SBK1: variants seen among roughly 807,000 people sequenced by gnomAD.
The protein encoded by SBK1 is serine/threonine-protein kinase SBK1.
In SBK1, 11 loss-of-function variants were observed where a neutral mutation model predicts 24.4. The ratio of observed to expected loss-of-function variants is 0.45; its 90% CI spans 0.28 to 0.75. SBK1 has a LOEUF of 0.75. Among genes scored for constraint, SBK1 ranks in the 30% least tolerant of loss-of-function variants. The pLI, the probability that SBK1 is intolerant of heterozygous loss-of-function variation, is 0.12. For synonymous variants in SBK1, 308 were observed against 284.4 expected (o/e 1.08, Z -0.83); for missense variants, 467 against 620.5 (o/e 0.75, Z 2.63).
intron 1 of SBK1, among the ~76,000 whole-genome samples, chr16:28,284,083 C>T (rs537722021): frequency 2.6e-4 from 39 of 152,276 alleles, no homozygotes; most frequent in African/African-American, 8.4e-4. Context: ...CCATTGCCCA[C>T]GGTGGTGACT....
At chr16:28,282,644 G>GAATGAATGAATGAATGAATC (rs1392496917) in intron 1 of SBK1, among the ~76,000 whole-genome samples, 1 of 152,256 alleles carries the variant, frequency 6.6e-6, no homozygotes, top group East Asian at 1.9e-4. Flanking sequence ...ATGAATGAAT[G>GAATGAATGAATGAATGAATC]AATGGAGTGC....
At chr16:28,277,854 G>A (rs2044503692) in intron 1 of SBK1, among the ~76,000 whole-genome samples, 1 of 152,234 alleles carries the variant, frequency 6.6e-6, no homozygotes, top group South Asian at 2.1e-4. Context: ...CCTGCACTAC[G>A]GCGAAACGGC....
chr16:28,276,596 G>A (rs1280462194), intron 1 of SBK1, among the ~76,000 whole-genome samples: 1 of 152,132 alleles, frequency 6.6e-6, no homozygotes, highest in Non-Finnish European at 1.5e-5. Flanking sequence ...TGGCAGAAGG[G>A]GGTTGCTGGG....
chr16:28,279,413 C>CAAAAA (rs34582546), intron 1 of SBK1, among the ~76,000 whole-genome samples: 3 of 84,756 alleles, frequency 3.5e-5, no homozygotes, highest in African/African-American at 4.4e-5. Context: ...AAAACAAAAC[C>CAAAAA]AAAAAAAAAA....
intron 1 of SBK1, among the ~76,000 whole-genome samples, chr16:28,300,426 C>T (rs896450125): frequency 1.3e-5 from 2 of 152,118 alleles, no homozygotes; most frequent in Admixed American, 1.3e-4. Flanking sequence ...CTCAAGTGAT[C>T]CTCCCGCTTC....
intron 2 of SBK1, among the ~76,000 whole-genome samples, chr16:28,318,615 G>A (rs992405069): frequency 1.3e-5 from 2 of 152,228 alleles, no homozygotes; most frequent in African/African-American, 4.8e-5. Flanking sequence ...CACATGCCTT[G>A]CAGTGTCTCA....
At chr16:28,280,115 CTATATATATATATA>C (rs1193408430) in intron 1 of SBK1, among the ~76,000 whole-genome samples, 22 of 29,464 alleles carry the variant, frequency 7.5e-4, no homozygotes, top group African/African-American at 1.5e-3. Flanking sequence ...TTGAAAAAAA[CTATATATATATATA>C]TATATATATA....
intron 1 of SBK1, among the ~76,000 whole-genome samples, chr16:28,307,506 A>G (rs1204063275): frequency 6.6e-6 from 1 of 152,154 alleles, no homozygotes; most frequent in Non-Finnish European, 1.5e-5. Flanking sequence ...TTGGGAGGCC[A>G]AGATGGGTGG....
At chr16:28,297,009 G>A (rs753186096) in intron 1 of SBK1, among the ~76,000 whole-genome samples, 1 of 152,140 alleles carries the variant, frequency 6.6e-6, no homozygotes, top group South Asian at 2.1e-4. Flanking sequence ...TCAGGCAGGA[G>A]AGCTGGGGGC....
At chr16:28,311,758 G>A (rs1048963936) in intron 1 of SBK1, among the ~76,000 whole-genome samples, 18 of 152,184 alleles carry the variant, frequency 1.2e-4, no homozygotes, top group East Asian at 3.9e-4. Context: ...GAGAGGCAGC[G>A]TGGGGTAGTG....
rs762286662 is a variant in SBK1 at position 28,320,169 on chromosome 16, A to G, written c.523A>G (p.Ile175Val). 1.3e-6 allele frequency: 2 copies of G among 1,589,722 alleles called. No individual in the cohort carries two copies. The highest frequency in any genetic ancestry group is 1.7e-6 in the Non-Finnish European group (2 of 1,173,718). ...CGGGCGGCAGCTGGTGCACCGCGAC[A>G]TCAAGCCCGAGAACGTGCTGCTGTT... ...MHGRQLVHRD[I>V]KPENVLLFDR... is the part of the protein sequence containing the mutation. The change falls in exon 4 of 4, where the codon ATC becomes GTC. Residue 175 changes from isoleucine (I) to valine (V), a missense_variant. Around this residue, in one of 4 missense-constraint regions of SBK1, gnomAD observed 92 missense variants for 193.8 expected, o/e 0.47. Transcript: ENST00000341901. This position sits in a 1 kb window ranked among gnomAD's most constrained non-coding sequence, Gnocchi z 8.5.
rs537125723 is a variant in SBK1, at chr16:28,274,205, A to G, written c.257+14703A>G. 5.9e-5 allele frequency among the ~76,000 whole-genome samples: 9 copies of G among 152,362 alleles called. No homozygotes were observed. The East Asian group carries it at 1.5e-3, about 26-fold the overall frequency. ...AAAGAATGAGCCCCGATGATGTAAC[A>G]TATGAACTTTAGTTAGCAACTATGT... On this transcript the variant is annotated intron_variant, in intron 1 of 3. Coordinates refer to the SBK1 transcript ENST00000671413.
intron 1 of SBK1, among the ~76,000 whole-genome samples, chr16:28,310,353 G>T (rs1222361228): frequency 8.5e-5 from 13 of 152,206 alleles, no homozygotes; most frequent in Admixed American, 8.5e-4. Flanking sequence ...AGGCAGGGAC[G>T]ACCAATGACG....
In SBK1 at chr16:28,283,122, G is replaced by A. The variant is rs548549883; in HGVS notation, c.257+23620G>A. ...TAATTTTTGTATTTTTAGTAGAGAC[G>A]GGGTTTCACCATGTTGGCCAGGATG... On this transcript the variant is annotated intron_variant, in intron 1 of 3. Coordinates refer to the SBK1 transcript ENST00000671413. 6.6e-5 allele frequency among the ~76,000 whole-genome samples: 10 copies of A among 152,048 alleles called. No homozygotes were observed. In the East Asian group the frequency reaches 9.7e-4, roughly 15 times the overall value.
intron 1 of SBK1, among the ~76,000 whole-genome samples, chr16:28,308,450 CTTTTTTTTTTTTT>C (rs59880320): frequency 3.2e-4 from 13 of 40,004 alleles, no homozygotes; most frequent in East Asian, 8.4e-4. Flanking sequence ...CATGCTTGGG[CTTTTTTTTTTTTT>C]TTTTTTTTTT....
At chr16:28,318,945 G>T in intron 2 of SBK1, 50 bp from the exon 3 acceptor site, 1 of 1,355,086 alleles carries the variant, frequency 7.4e-7, no homozygotes, top group Admixed American at 1.7e-5. Flanking sequence ...CATCCAGTGC[G>T]GAGGCACTGG....
intron 1 of SBK1, among the ~76,000 whole-genome samples, chr16:28,273,974 A>G (rs995692450): frequency 2.0e-5 from 3 of 152,232 alleles, no homozygotes; most frequent in South Asian, 2.1e-4. Flanking sequence ...GAAAAGTACT[A>G]TCTGACTCCA....
chr16:28,263,644 G>A (rs1190698862), intron 1 of SBK1, among the ~76,000 whole-genome samples: 2 of 152,184 alleles, frequency 1.3e-5, no homozygotes, highest in African/African-American at 2.4e-5. Flanking sequence ...GTTCCAGAAG[G>A]AATTGGGAAG....
chr16:28,293,193 T>G lies in SBK1; in HGVS notation c.-115T>G. On this transcript the variant is annotated 5_prime_UTR_variant, in exon 1 of 4. Transcript: ENST00000341901. ...CGACTGAGCCCCTGGCGGCACCGCT[T>G]GCACCCCGGTCCATGGTCGTGGCGC... The G allele has an allele frequency of 1.0e-6, 1 of 985,444 alleles. No individual in the cohort carries two copies. The highest frequency in any genetic ancestry group is 1.7e-5 in the African/African-American group (1 of 57,344). 61.0% of individuals were successfully genotyped at this position (985,444 alleles called of 1,614,324 possible). A position where few individuals can be genotyped will look rare whatever the true frequency, so the allele number is the denominator to read the frequency against.
Sources: gnomAD v4.1 joint callset for allele counts (sites outside exome capture counted in the v4.1 genomes callset) on GRCh38, gnomAD v4.1.1 for gene constraint, gnomAD v4.1.1 regional missense constraint, Gnocchi (gnomAD v3.1) non-coding constraint, MANE v1.5 for transcripts, NCBI Gene and HGNC (gene_info 2026-07-23, HGNC 2026-07-21) for gene names.